Variants in METTL24 observed in about 807,000 individuals in gnomAD.
METTL24 encodes the protein methyltransferase like 24.
A neutral mutation model predicts 32.7 loss-of-function variants in METTL24; 29 were observed. That is an observed-to-expected ratio of 0.89 (90% CI 0.66 to 1.21). METTL24 has a LOEUF of 1.21. METTL24 is among the 50% of genes most tolerant of loss of function. The probability of loss-of-function intolerance (pLI) is 0.00; values close to 1 mark genes in which losing one functional copy is unlikely to be tolerated. For missense variants in METTL24, 439 were observed against 468.1 expected (o/e 0.94, Z 0.57); for synonymous variants, 163 against 179.5 (o/e 0.91, Z 0.73).
At chr6:110,315,725 C>T (rs1182273174) in intron 2 of METTL24, among the ~76,000 whole-genome samples, 3 of 152,222 alleles carry the variant, frequency 2.0e-5, no homozygotes, top group South Asian at 4.1e-4. Flanking sequence ...TTAAGAGCTG[C>T]TGTAGCCATG....
intron 1 of METTL24, among the ~76,000 whole-genome samples, chr6:110,325,433 A>C (rs1454585303): frequency 6.6e-6 from 1 of 152,232 alleles, no homozygotes; most frequent in Non-Finnish European, 1.5e-5. Flanking sequence ...TTACACAAAC[A>C]GGCAGCAGGC....
chr6:110,316,694 G>A (rs751688450), intron 2 of METTL24, among the ~76,000 whole-genome samples: 3 of 152,208 alleles, frequency 2.0e-5, no homozygotes, highest in African/African-American at 4.8e-5. Context: ...CCAGGAGCTC[G>A]AGACCAGTCT....
At chr6:110,261,403 A>G (rs1275766074) in intron 4 of METTL24, among the ~76,000 whole-genome samples, 1 of 152,230 alleles carries the variant, frequency 6.6e-6, no homozygotes, top group Non-Finnish European at 1.5e-5. Flanking sequence ...TATCAATTCA[A>G]CAGAAGAGCT....
At chr6:110,299,881 C>A (rs1275779089) in intron 3 of METTL24, among the ~76,000 whole-genome samples, 1 of 151,992 alleles carries the variant, frequency 6.6e-6, no homozygotes, top group Non-Finnish European at 1.5e-5. Context: ...GATTAAAACA[C>A]CAGTTTTAAT....
chr6:110,268,424 G>T (rs1483887105), intron 4 of METTL24, among the ~76,000 whole-genome samples: 2 of 152,154 alleles, frequency 1.3e-5, no homozygotes, highest in African/African-American at 4.8e-5. Flanking sequence ...ATTGGTGAGG[G>T]TTCATAACTT....
At position 110,357,168 on chromosome 6, in the gene METTL24, T is replaced by C. The variant is rs186455936; in HGVS notation, c.318+787A>G. On this transcript the variant is annotated intron_variant, in intron 1 of 4. Coordinates refer to ENST00000338882, the MANE Select transcript of METTL24 (RefSeq NM_001123364.3). ...AGGAGAGCTCATACCTGTAGTTCTT[T>C]TCATTTCCATGTACGACGCAAATTA... Among the ~76,000 whole-genome samples, 277 of 152,302 alleles carry C rather than the reference T, an allele frequency of 1.8e-3. 2 individuals are homozygous for C. Among genetic ancestry groups the C allele is most frequent in the Middle Eastern group, 3.4e-3 (1 of 294 alleles).
intron 4 of METTL24, among the ~76,000 whole-genome samples, chr6:110,277,805 T>G (rs1210657169): frequency 6.6e-6 from 1 of 152,100 alleles, no homozygotes; most frequent in Non-Finnish European, 1.5e-5. Flanking sequence ...CAAACACTTA[T>G]CTTAGCATGT....
At chr6:110,255,219 A>G (rs1778359835) in intron 4 of METTL24, among the ~76,000 whole-genome samples, 1 of 152,204 alleles carries the variant, frequency 6.6e-6, no homozygotes, top group African/African-American at 2.4e-5. Context: ...GCAGGGAACA[A>G]CACTCTACAA....
intron 3 of METTL24, among the ~76,000 whole-genome samples, chr6:110,302,630 TATACACACACATA>T (rs1383754749): frequency 7.5e-6 from 1 of 133,856 alleles, no homozygotes; most frequent in African/African-American, 3.5e-5. Flanking sequence ...TATATACACA[TATACACACACATA>T]TGTGTATATA....
Position 110,357,980 on chromosome 6 carries a change from G to A in METTL24, c.293C>T (p.Ala98Val), listed in dbSNP as rs199671036. 1,693 of 1,182,340 alleles carry A rather than the reference G, an allele frequency of 1.4e-3. 21 individuals carry two copies. The African/African-American group carries it at 0.024, about 17-fold the overall frequency. 73.2% of individuals were successfully genotyped at this position (1,182,340 alleles called of 1,614,324 possible). Residue 98 changes from alanine (A) to valine (V), a missense_variant, in exon 1 of 5, where the codon GCC becomes GTC. By Grantham distance (64) the Ala-to-Val change is moderately conservative. Coordinates refer to ENST00000338882, the MANE Select transcript of METTL24 (RefSeq NM_001123364.3). ...GSGTPEPGCC[A>V]PRGRPRRKGP... is the part of the protein sequence containing the mutation. ...CTTCCGGCGGGGGCGCCCGCGCGGG[G>A]CACAGCAGCCAGGCTCCGGCGTCCC...
chr6:110,289,814 T>C (rs1010255123), intron 4 of METTL24, among the ~76,000 whole-genome samples: 1 of 152,220 alleles, frequency 6.6e-6, no homozygotes, highest in Admixed American at 6.5e-5. Flanking sequence ...CTTCCCAGCA[T>C]CACTAGTTTC....
chr6:110,282,748 C>T (rs1389965628), intron 4 of METTL24, among the ~76,000 whole-genome samples: 2 of 152,308 alleles, frequency 1.3e-5, no homozygotes, highest in East Asian at 3.9e-4. Flanking sequence ...CAACTGATCC[C>T]TCTAGCTGAT....
intron 3 of METTL24, among the ~76,000 whole-genome samples, chr6:110,302,692 T>TAC (rs1771555458): frequency 6.6e-6 from 1 of 151,524 alleles, no homozygotes; most frequent in South Asian, 2.1e-4. Context: ...TGTATATATA[T>TAC]ACACATATAT....
intron 3 of METTL24, among the ~76,000 whole-genome samples, chr6:110,300,823 A>T (rs1265171199): frequency 1.3e-5 from 2 of 152,210 alleles, no homozygotes; most frequent in Non-Finnish European, 2.9e-5. Flanking sequence ...ATAAAAAAAT[A>T]ATACAACATT....
chr6:110,288,327 T>C (rs2114723015), intron 4 of METTL24, among the ~76,000 whole-genome samples: 1 of 152,312 alleles, frequency 6.6e-6, no homozygotes, highest in Admixed American at 6.5e-5. Context: ...CCTCAGGTCT[T>C]ACCCCAGACC....
At chr6:110,274,182 T>C (rs1263760021) in intron 4 of METTL24, among the ~76,000 whole-genome samples, 1 of 152,118 alleles carries the variant, frequency 6.6e-6, no homozygotes, top group Non-Finnish European at 1.5e-5. Context: ...AACCTCTGCC[T>C]TCCGGGTTCA....
At chr6:110,308,939 G>A (rs1197887258) in intron 3 of METTL24, among the ~76,000 whole-genome samples, 2 of 152,156 alleles carry the variant, frequency 1.3e-5, no homozygotes, top group East Asian at 3.9e-4. Flanking sequence ...ATTGCCTAAG[G>A]ATGGCAGACT....
At chr6:110,257,678 A>G (rs1056406168) in intron 4 of METTL24, among the ~76,000 whole-genome samples, 3 of 152,190 alleles carry the variant, frequency 2.0e-5, no homozygotes, top group Non-Finnish European at 4.4e-5. Context: ...TGCTGGTACA[A>G]CGACCACACT....
chr6:110,353,962 C>A (rs1222154671), intron 1 of METTL24, among the ~76,000 whole-genome samples: 1 of 152,068 alleles, frequency 6.6e-6, no homozygotes, highest in East Asian at 1.9e-4. Flanking sequence ...AACAGAAACA[C>A]ATGCAGATAG....
Sources: allele counts gnomAD v4.1 joint callset (sites outside exome capture counted in the v4.1 genomes callset), GRCh38; gene constraint gnomAD v4.1.1; transcripts MANE v1.5; gene names NCBI Gene and HGNC (gene_info 2026-07-23, HGNC 2026-07-21).